HECTD4: variants seen among roughly 807,000 people sequenced by gnomAD.
HECTD4 encodes the protein probable E3 ubiquitin-protein ligase HECTD4.
HECTD4 carries 114 observed loss-of-function variants against 471.5 expected under a neutral mutation model. The ratio of observed to expected loss-of-function variants is 0.24; its 90% CI spans 0.21 to 0.28. The LOEUF is 0.28. HECTD4 is among the 10% of genes least tolerant of loss of function. HECTD4 has a pLI of 1.00. For synonymous variants in HECTD4, 2,012 were observed against 2,256.0 expected (o/e 0.89, Z 3.07); for missense variants, 3,866 against 5,651.5 (o/e 0.68, Z 10.13).
At chr12:112,185,592 G>T in intron 60 of HECTD4, 99 bp from the exon 61 acceptor site, 1 of 879,180 alleles carries the variant, frequency 1.1e-6, no homozygotes, top group Non-Finnish European at 1.7e-6. Context: ...ACAACCCTGT[G>T]AACACTGACT....
chr12:112,227,379 G>C (rs1246707142), intron 43 of HECTD4, among the ~76,000 whole-genome samples: 1 of 151,978 alleles, frequency 6.6e-6, no homozygotes, highest in Non-Finnish European at 1.5e-5. Flanking sequence ...AGAATCGCTT[G>C]AACTAGGGAG....
Position 112,239,763 on chromosome 12 carries a change from A to G in HECTD4, c.5105+118T>C. On this transcript the variant is annotated intron_variant, in intron 33 of 75. Transcript: ENST00000682272. The surrounding 1 kb of genome is among the most constrained non-coding windows in gnomAD (Gnocchi z 4.9). ...GTGTCTTTCAGGAGAAAAGTTTTGT[A>G]TAGCTAGCTCTGGATAATGAAAGCA... 1.1e-6 allele frequency: 1 copy of G among 902,498 alleles called. No individual in the cohort carries two copies. Among genetic ancestry groups the G allele is most frequent in the Non-Finnish European group, 1.6e-6 (1 of 630,048 alleles). The allele number at this position is 902,498 out of a possible 1,614,324, so 55.9% of individuals were successfully genotyped here.
intron 1 of HECTD4, among the ~76,000 whole-genome samples, chr12:112,337,662 C>G (rs1041557997): frequency 1.8e-4 from 28 of 152,140 alleles, no homozygotes; most frequent in Non-Finnish European, 3.7e-4. Context: ...AATGCATTAT[C>G]TACAACACAT....
Position 112,194,863 on chromosome 12 carries a change from C to T in HECTD4, c.8749+22G>A, listed in dbSNP as rs1389544380. ...CGCCTGGTGCTAAGTTCCAGAGTGA[C>T]AGCAGCAAAGCCAAGTTTTACCTGG... On this transcript the variant is annotated intron_variant, in intron 56 of 75. Transcript: ENST00000682272. This position sits in a 1 kb window ranked among gnomAD's most constrained non-coding sequence, Gnocchi z 4.6. 21 of 1,594,150 alleles carry T rather than the reference C, an allele frequency of 1.3e-5. No homozygotes were observed. The highest frequency in any genetic ancestry group is 1.1e-4 in the Admixed American group (6 of 56,694).
At position 112,210,224 on chromosome 12, in the gene HECTD4, G is replaced by A. The variant is rs373511610; in HGVS notation, c.7658C>T (p.Ser2553Phe). Residue 2553 changes from serine (S) to phenylalanine (F), a missense_variant, in exon 50 of 76, where the codon TCC becomes TTC. This residue lies in a region of HECTD4 where 617 missense variants were observed against 915.1 expected (regional missense o/e 0.67). Coordinates refer to ENST00000682272, the MANE Select transcript of HECTD4 (RefSeq NM_001388303.1). Reference sequence around the variant, plus strand: ...CCCTTCCGCGTAGGCAAACGGCCGGGAGCCAAAGTTAGCTCGGGTTTTGGT... The same window carrying A: ...CCCTTCCGCGTAGGCAAACGGCCGGAAGCCAAAGTTAGCTCGGGTTTTGGT... ...KNTKTRANFG[S>F]RPFAYAEGQA... is the part of the protein sequence containing the mutation. 3.7e-6 allele frequency: 6 copies of A among 1,613,858 alleles called. No individual in the cohort carries two copies. The highest frequency in any genetic ancestry group is 1.1e-5 in the South Asian group (1 of 91,082).
Position 112,235,320 on chromosome 12 carries a change from C to T in HECTD4, c.5726-54G>A, listed in dbSNP as rs1365502032. ...GAAAACTGCAGTGTTGTTTTGGCGG[C>T]TCTGCTAAAATGAAAAATAATGGTT... On this transcript the variant is annotated intron_variant, in intron 36 of 75. Transcript: ENST00000682272. The surrounding 1 kb of genome is among the most constrained non-coding windows in gnomAD (Gnocchi z 5.0). The T allele has an allele frequency of 6.4e-7, 1 of 1,558,404 alleles. No homozygotes were observed. Among genetic ancestry groups the T allele is most frequent in the African/African-American group, 1.4e-5 (1 of 72,842 alleles).
chr12:112,286,474 G>A (rs751465716), intron 7 of HECTD4, among the ~76,000 whole-genome samples: 3 of 152,148 alleles, frequency 2.0e-5, no homozygotes, highest in Non-Finnish European at 4.4e-5. Flanking sequence ...AGGAGTTCGA[G>A]ACCAGCCTGG....
chr12:112,174,140 G>A (rs1593894561), intron 66 of HECTD4, among the ~76,000 whole-genome samples: 1 of 151,914 alleles, frequency 6.6e-6, no homozygotes, highest in Admixed American at 6.6e-5. Flanking sequence ...ACCACGCTCG[G>A]CTAATTTTTG....
chr12:112,164,559 T>A (rs2030848149), intron 72 of HECTD4, among the ~76,000 whole-genome samples: 1 of 151,890 alleles, frequency 6.6e-6, no homozygotes, highest in African/African-American at 2.4e-5. Flanking sequence ...TGGGAAACCC[T>A]TTACCACTGG....
At chr12:112,299,204 A>G (rs1566103871) in intron 7 of HECTD4, among the ~76,000 whole-genome samples, 1 of 152,150 alleles carries the variant, frequency 6.6e-6, no homozygotes, top group Non-Finnish European at 1.5e-5. Flanking sequence ...TTTTTGCTCA[A>G]CTATTTTAAG....
chr12:112,337,425 A>C (rs1032920222), intron 1 of HECTD4, among the ~76,000 whole-genome samples: 8 of 152,236 alleles, frequency 5.3e-5, no homozygotes, highest in African/African-American at 1.9e-4. Flanking sequence ...TAGCGTTATC[A>C]GAAAGAGAGA....
At chr12:112,209,699 T>A (rs996089478) in intron 50 of HECTD4, among the ~76,000 whole-genome samples, 2 of 152,258 alleles carry the variant, frequency 1.3e-5, no homozygotes, top group Non-Finnish European at 2.9e-5. Context: ...ACCTTGGTTT[T>A]AGGACAATTT....
At chr12:112,278,902 A>G (rs1347382438) in intron 9 of HECTD4, among the ~76,000 whole-genome samples, 1 of 152,216 alleles carries the variant, frequency 6.6e-6, no homozygotes, top group African/African-American at 2.4e-5. Flanking sequence ...AAAAAAAAAG[A>G]AATTCTATCA....
chr12:112,273,177 C>T (rs903552002), intron 11 of HECTD4, among the ~76,000 whole-genome samples: 1 of 152,060 alleles, frequency 6.6e-6, no homozygotes, highest in African/African-American at 2.4e-5. Context: ...TGATTAATTC[C>T]TCCATATTAG....
intron 1 of HECTD4, chr12:112,322,316 A>G (rs1358494225): frequency 6.6e-6 from 1 of 151,980 alleles, no homozygotes; most frequent in Non-Finnish European, 1.5e-5. Flanking sequence ...GGCTGCAGTG[A>G]GTTATGATGG....
intron 20 of HECTD4, among the ~76,000 whole-genome samples, chr12:112,258,079 C>T (rs2034061539): frequency 6.6e-6 from 1 of 151,998 alleles, no homozygotes; most frequent in Non-Finnish European, 1.5e-5. Flanking sequence ...ATCCTAGCTA[C>T]TCATGAGGCT....
At chr12:112,352,837 G>A (rs1269549088) in intron 1 of HECTD4, among the ~76,000 whole-genome samples, 1 of 152,032 alleles carries the variant, frequency 6.6e-6, no homozygotes, top group Non-Finnish European at 1.5e-5. Context: ...GAACTCCAGG[G>A]CTCAAGTTAT....
chr12:112,373,145 G>C (rs1268049757), intron 1 of HECTD4, among the ~76,000 whole-genome samples: 2 of 152,172 alleles, frequency 1.3e-5, no homozygotes, highest in Non-Finnish European at 2.9e-5. Flanking sequence ...CTCAGGGCTG[G>C]AATCAGACAG....
chr12:112,184,323 C>T lies in HECTD4; in HGVS notation c.10643G>A (p.Ser3548Asn). Residue 3548 changes from serine to asparagine, a missense_variant, in exon 61 of 76, where the codon AGC (serine) becomes AAC (asparagine). Transcript: ENST00000682272. This position sits in a 1 kb window ranked among gnomAD's most constrained non-coding sequence, Gnocchi z 9.1. ...CAGGGGCTCCCCCAGGCTGCCCAGGCTGCCCAGGCTGCCGGTGCTGCACAG... is the reference window on the plus strand; with the variant it reads ...CAGGGGCTCCCCCAGGCTGCCCAGGTTGCCCAGGCTGCCGGTGCTGCACAG... ...ISLCSTGSLGSLGSLGEPLDN... is the reference protein window; with the variant it reads ...ISLCSTGSLGNLGSLGEPLDN... 1 of 1,613,248 alleles carries T rather than the reference C, an allele frequency of 6.2e-7. No individual in the cohort carries two copies. Among genetic ancestry groups the T allele is most frequent in the Non-Finnish European group, 8.5e-7 (1 of 1,179,854 alleles).
Sources: gnomAD v4.1 joint callset for allele counts (sites outside exome capture counted in the v4.1 genomes callset) on GRCh38, gnomAD v4.1.1 for gene constraint, gnomAD v4.1.1 regional missense constraint, Gnocchi (gnomAD v3.1) non-coding constraint, MANE v1.5 for transcripts, NCBI Gene and HGNC (gene_info 2026-07-23, HGNC 2026-07-21) for gene names.